CBX1: variants seen among roughly 807,000 people sequenced by gnomAD.
The protein encoded by CBX1 is chromobox protein homolog 1.
In CBX1, 10 loss-of-function variants were observed where a neutral mutation model predicts 25.1. That is an observed-to-expected ratio of 0.40 (90% CI 0.25 to 0.68). The LOEUF (loss-of-function observed/expected upper bound fraction) is 0.68. Among genes scored for constraint, CBX1 ranks in the 30% least tolerant of loss-of-function variants. The pLI, the probability that CBX1 is intolerant of heterozygous loss-of-function variation, is 0.40. For synonymous variants in CBX1, 63 were observed against 79.4 expected, an observed-to-expected ratio of 0.79 and a Z score of 1.10; for missense variants, 106 against 218.5, an observed-to-expected ratio of 0.49 and a Z score of 3.25.
chr17:48,074,544 T>C (rs1048403706), intron 4 of CBX1, among the ~76,000 whole-genome samples: 1 of 152,168 alleles, frequency 6.6e-6, no homozygotes, highest in Non-Finnish European at 1.5e-5. Flanking sequence ...GATCCTGTAA[T>C]TGTAGAATCT....
chr17:48,084,202 C>CTT (rs869263376), intron 1 of CBX1, among the ~76,000 whole-genome samples: 15 of 61,372 alleles, frequency 2.4e-4, no homozygotes, highest in African/African-American at 6.4e-4. Context: ...TCTTTCTTTC[C>CTT]TTTTTTTTTT....
intron 1 of CBX1, chr17:48,096,255 A>G (rs1220849276): frequency 3.3e-6 from 2 of 601,704 alleles, no homozygotes; most frequent in Admixed American, 1.3e-4. Context: ...GTGCGAATAC[A>G]TTTTGAATTT....
intron 1 of CBX1, among the ~76,000 whole-genome samples, chr17:48,084,610 T>G (rs1032388731): frequency 6.7e-6 from 1 of 149,708 alleles, no homozygotes; most frequent in Non-Finnish European, 1.5e-5. Flanking sequence ...CCTACTCATT[T>G]ATTATTTACA....
rs1428376835 is a variant in CBX1, at chr17:48,076,037, C to T, written c.282G>A (p.Lys94=). 2 of 1,612,200 alleles carry T rather than the reference C, an allele frequency of 1.2e-6. No individual in the cohort carries two copies. The highest frequency in any genetic ancestry group is 1.7e-6 in the Non-Finnish European group (2 of 1,178,602). ...KRKADSDSED[K]GEESKPKKKK... ...TCTTCTTTGGTTTGCTCTCCTCTCCCTTATCTTCAGAATCAGAATCAGCTT... is the reference window on the plus strand; with the variant it reads ...TCTTCTTTGGTTTGCTCTCCTCTCCTTTATCTTCAGAATCAGAATCAGCTT... The change falls in exon 3 of 5, where the codon AAG becomes AAA. Residue 94 remains lysine (K), a synonymous_variant. Transcript: ENST00000225603.
At chr17:48,074,957 C>A in intron 4 of CBX1, 49 bp downstream of exon 4, 1 of 1,293,706 alleles carries the variant, frequency 7.7e-7, no homozygotes, top group African/African-American at 1.5e-5. Flanking sequence ...GGCATGAAAC[C>A]AATGGGAGAA....
Position 48,076,124 on chromosome 17 carries a change from A to T in CBX1, c.195T>A (p.Ala65=). 1 of 1,611,666 alleles carries T rather than the reference A, an allele frequency of 6.2e-7. No homozygotes were observed. The highest frequency in any genetic ancestry group is 8.5e-7 in the Non-Finnish European group (1 of 1,178,098). The change falls in exon 3 of 5, where the codon GCT becomes GCA. Residue 65 remains alanine, a synonymous_variant. Transcript: ENST00000225603. ...CTGTTTTCTGTGACTGCAGAAACTCAGCAATGAGGTCGGGGCAATCCAGGT... is the reference window on the plus strand; with the variant it reads ...CTGTTTTCTGTGACTGCAGAAACTCTGCAATGAGGTCGGGGCAATCCAGGT... ...EENLDCPDLI[A]EFLQSQKTAH...
At chr17:48,078,916 A>C (rs2037704464) in intron 1 of CBX1, among the ~76,000 whole-genome samples, 1 of 147,156 alleles carries the variant, frequency 6.8e-6, no homozygotes, top group African/African-American at 2.6e-5. Context: ...CAGCCTCCTG[A>C]GTAGCTGGGA....
intron 1 of CBX1, among the ~76,000 whole-genome samples, chr17:48,087,015 C>T (rs894504937): frequency 6.6e-6 from 1 of 151,518 alleles, no homozygotes. Flanking sequence ...TGGTGAAACC[C>T]CATCTCTACT....
chr17:48,083,706 C>T (rs1482447839), intron 1 of CBX1, among the ~76,000 whole-genome samples: 1 of 149,774 alleles, frequency 6.7e-6, no homozygotes, highest in Non-Finnish European at 1.5e-5. Flanking sequence ...CGCCTGTAAT[C>T]CCAGCTACTT....
intron 1 of CBX1, among the ~76,000 whole-genome samples, chr17:48,096,014 G>A (rs1389851911): frequency 6.6e-6 from 1 of 152,134 alleles, no homozygotes; most frequent in Non-Finnish European, 1.5e-5. Flanking sequence ...CCGAGTCACT[G>A]GGATTACAGG....
At chr17:48,082,368 G>A (rs984137226) in intron 1 of CBX1, among the ~76,000 whole-genome samples, 155 of 151,810 alleles carry the variant, frequency 1.0e-3, no homozygotes, top group African/African-American at 3.7e-3. Context: ...TGGGTGTGAT[G>A]GCGGGCACCT....
At chr17:48,074,974 A>C (rs1567763484) in intron 4 of CBX1, 32 bp downstream of exon 4, 1 of 1,490,946 alleles carries the variant, frequency 6.7e-7, no homozygotes, top group Non-Finnish European at 9.3e-7. Flanking sequence ...AGAAGAAAAA[A>C]AACAACCACA....
At chr17:48,092,515 G>A (rs1335652861) in intron 1 of CBX1, among the ~76,000 whole-genome samples, 1 of 149,996 alleles carries the variant, frequency 6.7e-6, no homozygotes, top group Non-Finnish European at 1.5e-5. Context: ...AGGCTAGAGT[G>A]CAGCTATCTT....
At chr17:48,073,275 T>G (rs2037643087) in intron 4 of CBX1, among the ~76,000 whole-genome samples, 1 of 151,914 alleles carries the variant, frequency 6.6e-6, no homozygotes, top group African/African-American at 2.4e-5. Context: ...CAGAGCCACA[T>G]AGTCCCATAG....
chr17:48,074,065 G>C (rs746053887), intron 4 of CBX1, among the ~76,000 whole-genome samples: 1 of 152,136 alleles, frequency 6.6e-6, no homozygotes, highest in Non-Finnish European at 1.5e-5. Flanking sequence ...ACTGCCTAGG[G>C]AATACATAGA....
At chr17:48,074,664 T>C (rs2037657674) in intron 4 of CBX1, among the ~76,000 whole-genome samples, 1 of 152,208 alleles carries the variant, frequency 6.6e-6, no homozygotes, top group South Asian at 2.1e-4. Context: ...GCCTCATCTT[T>C]ATTAAGGAGG....
intron 1 of CBX1, among the ~76,000 whole-genome samples, chr17:48,093,438 G>A (rs1325732280): frequency 1.3e-5 from 2 of 152,162 alleles, no homozygotes; most frequent in Non-Finnish European, 2.9e-5. Context: ...ACGCACTATA[G>A]GAGGTTGGAG....
intron 1 of CBX1, among the ~76,000 whole-genome samples, chr17:48,095,388 G>A (rs1043384556): frequency 2.6e-5 from 4 of 151,808 alleles, no homozygotes; most frequent in Non-Finnish European, 5.9e-5. Context: ...TTGGGAGTTC[G>A]AGACCAGCCT....
At chr17:48,092,339 G>C (rs1455067009) in intron 1 of CBX1, among the ~76,000 whole-genome samples, 2 of 151,604 alleles carry the variant, frequency 1.3e-5, no homozygotes, top group African/African-American at 2.4e-5. Context: ...TAAAATTAGC[G>C]AGGCACTGTG....
Sources: gnomAD v4.1 joint callset for allele counts (sites outside exome capture counted in the v4.1 genomes callset) on GRCh38, gnomAD v4.1.1 for gene constraint, MANE v1.5 for transcripts, NCBI Gene and HGNC (gene_info 2026-07-23, HGNC 2026-07-21) for gene names.